The following PTPN5 variants were observed in gnomAD, a reference collection of about 807,000 sequenced individuals.
PTPN5 encodes tyrosine-protein phosphatase non-receptor type 5.
A neutral mutation model predicts 73.9 loss-of-function variants in PTPN5; 29 were observed. The ratio of observed to expected loss-of-function variants is 0.39; its 90% CI spans 0.29 to 0.54. The LOEUF is 0.54. Ranked by LOEUF, PTPN5 falls within the 20% of genes least tolerant of loss-of-function variation. The probability of loss-of-function intolerance (pLI) is 0.65; values close to 1 mark genes in which losing one functional copy is unlikely to be tolerated. For missense variants in PTPN5, 652 were observed against 751.4 expected, an observed-to-expected ratio of 0.87 and a Z score of 1.55; for synonymous variants, 267 against 304.7, an observed-to-expected ratio of 0.88 and a Z score of 1.29.
intron 1 of PTPN5, among the ~76,000 whole-genome samples, chr11:18,773,869 AC>A (rs1234064039): frequency 1.3e-5 from 2 of 152,138 alleles, no homozygotes; most frequent in Non-Finnish European, 2.9e-5. Flanking sequence ...TTGCTGGGCC[AC>A]CTGCTCCAGT....
intron 3 of PTPN5, among the ~76,000 whole-genome samples, chr11:18,763,485 C>G (rs1170481099): frequency 2.0e-5 from 3 of 152,152 alleles, no homozygotes; most frequent in Non-Finnish European, 4.4e-5. Context: ...CACTGATTTC[C>G]TAGGATATTC....
At chr11:18,769,053 G>C (rs983349126) in intron 2 of PTPN5, among the ~76,000 whole-genome samples, 5 of 152,154 alleles carry the variant, frequency 3.3e-5, no homozygotes, top group Non-Finnish European at 7.3e-5. Flanking sequence ...AGGGATGAAG[G>C]GACTTGGAAA....
intron 1 of PTPN5, among the ~76,000 whole-genome samples, chr11:18,775,426 G>C (rs1280095562): frequency 1.3e-5 from 2 of 152,216 alleles, no homozygotes; most frequent in Non-Finnish European, 2.9e-5. Flanking sequence ...AGGAGCAAGA[G>C]GGAGATCCCT....
intron 2 of PTPN5, among the ~76,000 whole-genome samples, chr11:18,770,462 C>A (rs74678744): frequency 0.031 from 4,787 of 152,312 alleles, 121 homozygotes; most frequent in South Asian, 0.098. Flanking sequence ...TACATCAGTA[C>A]TTCATTCCTT....
chr11:18,779,358 GAA>G (rs548869120), intron 1 of PTPN5, among the ~76,000 whole-genome samples: 4,342 of 141,580 alleles, frequency 0.031, 89 homozygotes, highest in African/African-American at 0.064. Flanking sequence ...CTTTTGCAAG[GAA>G]AAAAAAAAAA....
intron 3 of PTPN5, among the ~76,000 whole-genome samples, chr11:18,745,343 C>T (rs1251751702): frequency 6.6e-6 from 1 of 152,186 alleles, no homozygotes; most frequent in Non-Finnish European, 1.5e-5. Context: ...CAAACATTTA[C>T]TGAGCACCTC....
At chr11:18,776,696 G>C (rs745493915) in intron 1 of PTPN5, among the ~76,000 whole-genome samples, 1 of 152,088 alleles carries the variant, frequency 6.6e-6, no homozygotes, top group Non-Finnish European at 1.5e-5. Context: ...TGCAGAACCA[G>C]GCTTCAAACT....
chr11:18,771,913 G>C, intron 2 of PTPN5, 26 bp downstream of exon 2: 1 of 1,598,188 alleles, frequency 6.3e-7, no homozygotes, highest in Middle Eastern at 1.7e-4. Flanking sequence ...GCGGGTTGCA[G>C]GGGGACGGCG....
intron 3 of PTPN5, among the ~76,000 whole-genome samples, chr11:18,746,195 A>ATATATAC (rs377606416): frequency 8.8e-6 from 1 of 114,038 alleles, no homozygotes; most frequent in African/African-American, 3.2e-5. Context: ...ATATATATAC[A>ATATATAC]TTTTTTTTTT....
At chr11:18,743,510 A>C in intron 4 of PTPN5, 81 bp from the exon 5 acceptor site, 77 of 1,286,026 alleles carry the variant, frequency 6.0e-5, no homozygotes, top group Non-Finnish European at 7.7e-5. Context: ...CTGCAGCCTC[A>C]ACCTGGCCCT....
chr11:18,783,939 TTTGTA>T (rs1851553931), intron 1 of PTPN5, among the ~76,000 whole-genome samples: 1 of 152,180 alleles, frequency 6.6e-6, no homozygotes, highest in South Asian at 2.1e-4. Context: ...GTCAGACTCA[TTTGTA>T]TTCTGTTCCC....
In PTPN5 at chr11:18,742,237, C is replaced by CCCACCCCTCCT. The variant is rs1409107648; in HGVS notation, c.725+14_725+24dup. 1.2e-6 allele frequency: 2 copies of CCCACCCCTCCT among 1,612,756 alleles called. No homozygotes were observed. Among genetic ancestry groups the CCCACCCCTCCT allele is most frequent in the South Asian group, 1.1e-5 (1 of 91,008 alleles). On this transcript the variant is annotated intron_variant, in intron 7 of 14. Coordinates refer to ENST00000358540, the MANE Select transcript of PTPN5 (RefSeq NM_006906.2). This position sits in a 1 kb window ranked among gnomAD's most constrained non-coding sequence, Gnocchi z 4.1. ...GCTAAGAGCTCAAGGGCCCGTGGAG[C>CCCACCCCTCCT]CCACCCCTCCTCCACCCCTCCCACC...
Position 18,743,438 on chromosome 11 carries a change from C to G in PTPN5, c.292-9G>C, listed in dbSNP as rs758146119. 1 of 1,612,926 alleles carries G rather than the reference C, an allele frequency of 6.2e-7. No individual in the cohort carries two copies. Among genetic ancestry groups the G allele is most frequent in the Non-Finnish European group, 8.5e-7 (1 of 1,179,028 alleles). On this transcript the variant is annotated splice_polypyrimidine_tract_variant and intron_variant, in intron 4 of 14. Coordinates refer to ENST00000358540, the MANE Select transcript of PTPN5 (RefSeq NM_006906.2). The stretch of plus-strand genomic sequence containing the variant: ...AGCACCCCACAGGCAAGCTGGGGCA[C>G]AGGGGAGCAGGCTGAGTATGGAGCC...
chr11:18,729,622 G>A lies in PTPN5; in HGVS notation c.1490+36C>T. 1 of 1,576,012 alleles carries A rather than the reference G, an allele frequency of 6.3e-7. No individual in the cohort carries two copies. Among genetic ancestry groups the A allele is most frequent in the Non-Finnish European group, 8.6e-7 (1 of 1,163,324 alleles). On this transcript the variant is annotated intron_variant, in intron 13 of 14. Coordinates refer to ENST00000358540, the MANE Select transcript of PTPN5 (RefSeq NM_006906.2). The surrounding 1 kb of genome is among the most constrained non-coding windows in gnomAD (Gnocchi z 5.2). ...GGCAGGGCAGCCCAGCGGGTGGGGG[G>A]CTGCCCCGCTCCAGTGGCTGGCTGG...
chr11:18,775,457 G>C (rs141263486), intron 1 of PTPN5, among the ~76,000 whole-genome samples: 2,192 of 152,286 alleles, frequency 0.014, 47 homozygotes, highest in African/African-American at 0.05. Flanking sequence ...CCTTGCTTGG[G>C]ATCACTGCTG....
chr11:18,738,941 C>T (rs901372968), intron 8 of PTPN5, among the ~76,000 whole-genome samples: 1 of 148,548 alleles, frequency 6.7e-6, no homozygotes, highest in African/African-American at 2.5e-5. Flanking sequence ...CACTGCACTC[C>T]AGCCTGGGCA....
intron 2 of PTPN5, 27 bp downstream of exon 2, chr11:18,771,912 A>G: frequency 6.3e-7 from 1 of 1,598,370 alleles, no homozygotes; most frequent in South Asian, 1.1e-5. Context: ...GGCGGGTTGC[A>G]GGGGGACGGC....
intron 8 of PTPN5, 59 bp downstream of exon 8, chr11:18,740,544 C>T (rs540528752): frequency 2.2e-6 from 3 of 1,352,090 alleles, no homozygotes; most frequent in Non-Finnish European, 2.9e-6. Flanking sequence ...ACCACCTGGG[C>T]AGGTGGATGA....
At chr11:18,756,937 C>CAAAAAACAAAAAA in intron 3 of PTPN5, among the ~76,000 whole-genome samples, 1 of 143,218 alleles carries the variant, frequency 7.0e-6, no homozygotes, top group Admixed American at 6.9e-5. Context: ...AAAAAAAAAA[C>CAAAAAACAAAAAA]CAAAAAACAA....
Sources: gnomAD v4.1 joint callset for allele counts (sites outside exome capture counted in the v4.1 genomes callset) on GRCh38, gnomAD v4.1.1 for gene constraint, Gnocchi (gnomAD v3.1) non-coding constraint, MANE v1.5 for transcripts, NCBI Gene and HGNC (gene_info 2026-07-23, HGNC 2026-07-21) for gene names.